Variants in EXOC6B observed in about 807,000 individuals in gnomAD.
The protein encoded by EXOC6B is exocyst complex component 6B.
A neutral mutation model predicts 113.5 loss-of-function variants in EXOC6B; 54 were observed. The ratio of observed to expected loss-of-function variants is 0.48; its 90% confidence interval spans 0.38 to 0.60. EXOC6B has a LOEUF of 0.60. Ranked by LOEUF, EXOC6B falls within the 20% of genes least tolerant of loss-of-function variation. The pLI, the probability that EXOC6B is intolerant of heterozygous loss-of-function variation, is 0.00. For missense variants in EXOC6B, 797 were observed against 977.5 expected (o/e 0.82, Z 2.46); for synonymous variants, 357 against 339.0 (o/e 1.05, Z -0.58).
At chr2:72,313,810 T>G (rs569905175) in intron 20 of EXOC6B, among the ~76,000 whole-genome samples, 2 of 152,282 alleles carry the variant, frequency 1.3e-5, no homozygotes, top group South Asian at 4.1e-4. Flanking sequence ...GAGTCAGTTG[T>G]CCTATCTGGG....
chr2:72,442,016 A>G (rs1696233491), intron 18 of EXOC6B, among the ~76,000 whole-genome samples: 1 of 152,224 alleles, frequency 6.6e-6, no homozygotes, highest in African/African-American at 2.4e-5. Context: ...AAATACTGCA[A>G]ATCAAATCGA....
intron 20 of EXOC6B, among the ~76,000 whole-genome samples, chr2:72,313,976 G>A (rs576964082): frequency 6.6e-6 from 1 of 152,234 alleles, no homozygotes; most frequent in Admixed American, 6.5e-5. Context: ...GACCCTCCAG[G>A]ACACTGAGAA....
chr2:72,236,154 C>T (rs1435326213), intron 20 of EXOC6B, among the ~76,000 whole-genome samples: 1 of 152,216 alleles, frequency 6.6e-6, no homozygotes, highest in Non-Finnish European at 1.5e-5. Flanking sequence ...CCTCTCCTTA[C>T]TAGAGCAGGC....
At chr2:72,774,491 T>C (rs1367899484) in intron 1 of EXOC6B, among the ~76,000 whole-genome samples, 3 of 152,162 alleles carry the variant, frequency 2.0e-5, no homozygotes. Context: ...GTTGCAAAAA[T>C]ATTTTTGAAG....
chr2:72,198,381 C>G (rs1328995432), intron 20 of EXOC6B, among the ~76,000 whole-genome samples: 3 of 152,142 alleles, frequency 2.0e-5, no homozygotes, highest in Admixed American at 6.5e-5. Flanking sequence ...CTTTTCAGAT[C>G]AGGCCAAGTA....
chr2:72,292,517 A>C (rs560775453), intron 20 of EXOC6B, among the ~76,000 whole-genome samples: 1 of 149,046 alleles, frequency 6.7e-6, no homozygotes, highest in East Asian at 2.0e-4. Flanking sequence ...TGATTTCACC[A>C]GTTTTTACAT....
intron 11 of EXOC6B, among the ~76,000 whole-genome samples, chr2:72,509,054 T>C (rs1382448088): frequency 6.6e-6 from 1 of 152,134 alleles, no homozygotes; most frequent in Non-Finnish European, 1.5e-5. Context: ...ATGGGGCCTT[T>C]GGGAGGTAAT....
intron 6 of EXOC6B, among the ~76,000 whole-genome samples, chr2:72,671,443 C>G (rs890904430): frequency 6.6e-6 from 1 of 152,126 alleles, no homozygotes; most frequent in African/African-American, 2.4e-5. Context: ...GCCTGTAATC[C>G]CAGCACTCTG....
chr2:72,808,763 C>G (rs1483411715), intron 1 of EXOC6B, among the ~76,000 whole-genome samples: 1 of 152,034 alleles, frequency 6.6e-6, no homozygotes, highest in Non-Finnish European at 1.5e-5. Context: ...AGCTGGGCAA[C>G]AGAGCGAGAT....
chr2:72,764,173 A>C (rs1045469055), intron 1 of EXOC6B, among the ~76,000 whole-genome samples: 1 of 152,052 alleles, frequency 6.6e-6, no homozygotes, highest in East Asian at 1.9e-4. Context: ...ATTGATCAAA[A>C]ATTACCTCAT....
At chr2:72,222,135 TA>T (rs762784685) in intron 20 of EXOC6B, among the ~76,000 whole-genome samples, 3 of 152,234 alleles carry the variant, frequency 2.0e-5, no homozygotes, top group Non-Finnish European at 4.4e-5. Flanking sequence ...GGGACTCTTT[TA>T]AACATGTACA....
At chr2:72,644,545 C>G (rs956271993) in intron 6 of EXOC6B, among the ~76,000 whole-genome samples, 1 of 152,160 alleles carries the variant, frequency 6.6e-6, no homozygotes, top group African/African-American at 2.4e-5. Context: ...AGAGAAAGGT[C>G]AGGTTACCCA....
At chr2:72,776,094 A>T (rs1006685121) in intron 1 of EXOC6B, among the ~76,000 whole-genome samples, 5 of 152,178 alleles carry the variant, frequency 3.3e-5, no homozygotes, top group Non-Finnish European at 7.4e-5. Context: ...AGATAAATAC[A>T]CATACACACA....
chr2:72,653,610 A>C (rs1373842589), intron 6 of EXOC6B, among the ~76,000 whole-genome samples: 1 of 146,872 alleles, frequency 6.8e-6, no homozygotes, highest in African/African-American at 2.6e-5. Flanking sequence ...CCCCCCCCAA[A>C]AAGAAAGAAA....
chr2:72,440,932 C>A (rs1380701838), intron 18 of EXOC6B, among the ~76,000 whole-genome samples: 1 of 151,872 alleles, frequency 6.6e-6, no homozygotes, highest in African/African-American at 2.4e-5. Flanking sequence ...AAAAAAAAGA[C>A]AAAGATGGGC....
intron 6 of EXOC6B, among the ~76,000 whole-genome samples, chr2:72,629,836 T>C (rs1052342417): frequency 6.6e-6 from 1 of 152,224 alleles, no homozygotes; most frequent in Non-Finnish European, 1.5e-5. Context: ...TTGTAAACTC[T>C]GTCTTCTACC....
intron 19 of EXOC6B, among the ~76,000 whole-genome samples, chr2:72,336,870 G>A (rs1336637125): frequency 6.6e-6 from 1 of 152,054 alleles, no homozygotes; most frequent in African/African-American, 2.4e-5. Context: ...AGCTGGGCAT[G>A]GTGACACATG....
intron 8 of EXOC6B, among the ~76,000 whole-genome samples, chr2:72,558,639 C>T (rs1703709933): frequency 6.6e-6 from 1 of 152,072 alleles, no homozygotes; most frequent in Non-Finnish European, 1.5e-5. Flanking sequence ...CGTGGTGGCA[C>T]ATGCCTGTAA....
intron 18 of EXOC6B, among the ~76,000 whole-genome samples, chr2:72,433,432 A>C (rs1464308789): frequency 6.6e-6 from 1 of 152,168 alleles, no homozygotes; most frequent in Admixed American, 6.5e-5. Context: ...GTTTTTTCTA[A>C]TTCTTTGAAG....
Sources: gnomAD v4.1 joint callset for allele counts (sites outside exome capture counted in the v4.1 genomes callset) on GRCh38, gnomAD v4.1.1 for gene constraint, MANE v1.5 for transcripts, NCBI Gene and HGNC (gene_info 2026-07-23, HGNC 2026-07-21) for gene names.